RFX7: variants seen among roughly 807,000 people sequenced by gnomAD.
RFX7 encodes the protein DNA-binding protein RFX7.
Under a neutral mutation model 111.8 loss-of-function variants are expected in RFX7, and 26 were observed. The ratio of observed to expected loss-of-function variants is 0.23; its 90% CI spans 0.17 to 0.32. The LOEUF is 0.32. Ranked by LOEUF, RFX7 falls within the 10% of genes least tolerant of loss-of-function variation. RFX7 has a pLI of 1.00. For synonymous variants in RFX7, 624 were observed against 624.4 expected (o/e 1.00, Z 0.01); for missense variants, 1,573 against 1,772.9 (o/e 0.89, Z 2.02).
intron 5 of RFX7, among the ~76,000 whole-genome samples, chr15:56,116,291 G>T (rs1346663550): frequency 1.3e-5 from 2 of 152,180 alleles, no homozygotes; most frequent in African/African-American, 4.8e-5. Context: ...GGTAAAGATG[G>T]TTTGTAAAAT....
chr15:56,094,285 G>A lies in RFX7; in HGVS notation c.3443C>T (p.Pro1148Leu), dbSNP rs1283032889. 2 of 1,613,856 alleles carry A rather than the reference G, an allele frequency of 1.2e-6. No homozygotes were observed. Among genetic ancestry groups the A allele is most frequent in the African/African-American group, 1.3e-5 (1 of 74,922 alleles). The change falls in exon 10 of 10, where the codon CCT (proline) becomes CTT (leucine). Residue 1148 changes from proline to leucine, a missense_variant. By Grantham distance (98) the Pro-to-Leu change is moderately conservative. Transcript: ENST00000559447. Reference protein sequence around the residue: ...NKQEGFAVPAPLDNKGTNSSA... With the variant: ...NKQEGFAVPALLDNKGTNSSA... ...TGAATTAGTTCCTTTATTATCAAGAGGGGCAGGGACTGCAAAACCCTCCTG... is the reference window on the plus strand; with the variant it reads ...TGAATTAGTTCCTTTATTATCAAGAAGGGCAGGGACTGCAAAACCCTCCTG...
chr15:56,167,640 C>T (rs2042798522), intron 3 of RFX7, among the ~76,000 whole-genome samples: 1 of 152,128 alleles, frequency 6.6e-6, no homozygotes, highest in Non-Finnish European at 1.5e-5. Flanking sequence ...TGCAAAAGCA[C>T]TAAAACATTA....
At chr15:56,155,262 A>G (rs1315142457) in intron 3 of RFX7, among the ~76,000 whole-genome samples, 1 of 151,854 alleles carries the variant, frequency 6.6e-6, no homozygotes, top group East Asian at 1.9e-4. Context: ...TTGACCCACA[A>G]TATTACTGGG....
chr15:56,188,667 A>G (rs1393596486), intron 2 of RFX7, among the ~76,000 whole-genome samples: 1 of 152,212 alleles, frequency 6.6e-6, no homozygotes, highest in Non-Finnish European at 1.5e-5. Flanking sequence ...GAAAATCCTT[A>G]TTACAAATCC....
Position 56,094,431 on chromosome 15 carries a change from A to T in RFX7, c.3297T>A (p.Ala1099=). 1.2e-6 allele frequency: 2 copies of T among 1,613,972 alleles called. No homozygotes were observed. The highest frequency in any genetic ancestry group is 1.7e-6 in the Non-Finnish European group (2 of 1,179,878). ...GATAAGACTGTCCAGGCACAGCAAA[A>T]GCATGAGGTTTCCTGAAACGGTCTT... ...LVEDRFRKPH[A]FAVPGQSYQS... is the part of the protein sequence containing the mutation. The change falls in exon 10 of 10, where the codon GCT becomes GCA. Residue 1099 remains alanine (A), a synonymous_variant. Coordinates refer to ENST00000559447, the MANE Select transcript of RFX7 (RefSeq NM_022841.7).
chr15:56,116,880 T>C (rs1351539834), intron 5 of RFX7, among the ~76,000 whole-genome samples: 5 of 152,164 alleles, frequency 3.3e-5, no homozygotes, highest in Non-Finnish European at 7.4e-5. Flanking sequence ...TTGTACAAAC[T>C]GTACAAATAT....
intron 5 of RFX7, among the ~76,000 whole-genome samples, chr15:56,123,447 T>C (rs1033861964): frequency 6.6e-6 from 1 of 152,148 alleles, no homozygotes; most frequent in Non-Finnish European, 1.5e-5. Context: ...AGCATTAAGA[T>C]AAAGTCCTCT....
chr15:56,208,643 A>C (rs1304728197), intron 2 of RFX7, among the ~76,000 whole-genome samples: 4 of 152,200 alleles, frequency 2.6e-5, no homozygotes, highest in African/African-American at 9.7e-5. Flanking sequence ...TTAAGATGCT[A>C]AGGGTTCTAA....
At chr15:56,240,691 G>C (rs557093796) in intron 2 of RFX7, among the ~76,000 whole-genome samples, 1 of 152,198 alleles carries the variant, frequency 6.6e-6, no homozygotes, top group Admixed American at 6.5e-5. Context: ...CATTTCTTTT[G>C]AGTGTAATTT....
chr15:56,177,779 T>A (rs2042918174), intron 3 of RFX7, among the ~76,000 whole-genome samples: 1 of 151,976 alleles, frequency 6.6e-6, no homozygotes, highest in Non-Finnish European at 1.5e-5. Flanking sequence ...AAGAACAGGG[T>A]CTAGTATATG....
In RFX7 at chr15:56,096,124, A is replaced by G. The variant is rs762626036; in HGVS notation, c.1604T>C (p.Val535Ala). The G allele has an allele frequency of 6.2e-7, 1 of 1,613,792 alleles. No individual in the cohort carries two copies. The highest frequency in any genetic ancestry group is 8.5e-7 in the Non-Finnish European group (1 of 1,179,840). Reference sequence around the variant, plus strand: ...TGTTTCGGGTTCCACTTTGACTTCCACAGCAGATGTTCCCCCCGCACTGCT... The same window carrying G: ...TGTTTCGGGTTCCACTTTGACTTCCGCAGCAGATGTTCCCCCCGCACTGCT... The part of the protein sequence containing the change: ...RSSSAGGTSA[V>A]EVKVEPETSS... Residue 535 changes from valine to alanine, a missense_variant, in exon 10 of 10, where the codon GTG becomes GCG. Physicochemically the swap from Val to Ala is moderately conservative, Grantham distance 64. Transcript: ENST00000559447.
chr15:56,156,997 C>A (rs1276291127), intron 3 of RFX7, among the ~76,000 whole-genome samples: 1 of 152,180 alleles, frequency 6.6e-6, no homozygotes, highest in Non-Finnish European at 1.5e-5. Flanking sequence ...CTAGGAGATG[C>A]TGCTAATGCT....
At chr15:56,216,030 C>A (rs2043360092) in intron 2 of RFX7, among the ~76,000 whole-genome samples, 1 of 152,094 alleles carries the variant, frequency 6.6e-6, no homozygotes, top group Admixed American at 6.5e-5. Flanking sequence ...AGCTGCAGTG[C>A]CTTTTATGAA....
chr15:56,135,819 C>G (rs2042293745), intron 5 of RFX7, among the ~76,000 whole-genome samples: 2 of 151,720 alleles, frequency 1.3e-5, no homozygotes, highest in African/African-American at 2.4e-5. Flanking sequence ...GATCCAGTTT[C>G]AGCTTTCTAC....
Position 56,095,219 on chromosome 15 carries a change from T to C in RFX7, c.2509A>G (p.Ser837Gly), listed in dbSNP as rs749826042. Reference sequence around the variant, plus strand: ...TTTAAAGAAGATTCCTGTATCTGGCTATGTAGCTGCTGGCTATATGTGTCC... The same window carrying C: ...TTTAAAGAAGATTCCTGTATCTGGCCATGTAGCTGCTGGCTATATGTGTCC... ...PQDTYSQQLH[S>G]QIQESSLNQI... is the part of the protein sequence containing the mutation. Residue 837 changes from serine (S) to glycine (G), a missense_variant, in exon 10 of 10, where the codon AGC becomes GGC. Coordinates refer to ENST00000559447, the MANE Select transcript of RFX7 (RefSeq NM_022841.7). The C allele has an allele frequency of 3.7e-6, 6 of 1,613,904 alleles. No homozygotes were observed. The South Asian group carries it at 6.6e-5, about 18-fold the overall frequency.
chr15:56,113,935 G>T (rs1378076541), intron 5 of RFX7, among the ~76,000 whole-genome samples: 1 of 152,114 alleles, frequency 6.6e-6, no homozygotes, highest in Non-Finnish European at 1.5e-5. Flanking sequence ...CAAAACATTT[G>T]CTAGACAATC....
At chr15:56,234,562 G>A (rs899252597) in intron 2 of RFX7, among the ~76,000 whole-genome samples, 11 of 152,068 alleles carry the variant, frequency 7.2e-5, no homozygotes, top group Non-Finnish European at 1.3e-4. Context: ...ATCAAATTAC[G>A]GAAGTGATTC....
chr15:56,229,501 G>A (rs992849580), intron 2 of RFX7, among the ~76,000 whole-genome samples: 8 of 152,254 alleles, frequency 5.3e-5, no homozygotes, highest in Admixed American at 2.0e-4. Context: ...TCCTGACCTC[G>A]TGATCCGCCT....
intron 3 of RFX7, among the ~76,000 whole-genome samples, chr15:56,159,752 T>C (rs2042699036): frequency 6.6e-6 from 1 of 152,220 alleles, no homozygotes; most frequent in South Asian, 2.1e-4. Context: ...GTTTCTGAAC[T>C]GTCAATACAT....
Sources: allele counts gnomAD v4.1 joint callset (sites outside exome capture counted in the v4.1 genomes callset), GRCh38; gene constraint gnomAD v4.1.1; transcripts MANE v1.5; gene names NCBI Gene and HGNC (gene_info 2026-07-23, HGNC 2026-07-21).